Variants in BTBD7 observed in about 807,000 individuals in gnomAD.
BTBD7 encodes the protein BTB/POZ domain-containing protein 7.
Under a neutral mutation model 99.9 loss-of-function variants are expected in BTBD7, and 38 were observed. The ratio of observed to expected loss-of-function variants is 0.38; its 90% CI spans 0.29 to 0.50. The LOEUF (loss-of-function observed/expected upper bound fraction) is 0.50. Ranked by LOEUF, BTBD7 falls within the 20% of genes least tolerant of loss-of-function variation. BTBD7 has a pLI of 0.93. For synonymous variants in BTBD7, 520 were observed against 511.4 expected, an observed-to-expected ratio of 1.02 and a Z score of -0.23; for missense variants, 1,170 against 1,394.6, an observed-to-expected ratio of 0.84 and a Z score of 2.57.
At chr14:93,332,142 G>C (rs988984419) in intron 1 of BTBD7, among the ~76,000 whole-genome samples, 6 of 152,152 alleles carry the variant, frequency 3.9e-5, no homozygotes, top group African/African-American at 1.4e-4. Context: ...TCGGGGTAAA[G>C]CTAGCAAACA....
intron 1 of BTBD7, among the ~76,000 whole-genome samples, chr14:93,331,332 C>T (rs1447026912): frequency 6.6e-6 from 1 of 152,106 alleles, no homozygotes; most frequent in East Asian, 1.9e-4. Flanking sequence ...TGGTCTAATC[C>T]ATCGCCAGCT....
chr14:93,317,068 C>G (rs892008722), intron 1 of BTBD7, among the ~76,000 whole-genome samples: 18 of 152,094 alleles, frequency 1.2e-4, no homozygotes, highest in African/African-American at 4.1e-4. Flanking sequence ...TGCAGTGGTA[C>G]GATCTCAGCT....
chr14:93,300,743 TGTGTGTGTGTG>T (rs2052989210), intron 1 of BTBD7, among the ~76,000 whole-genome samples: 2 of 92,328 alleles, frequency 2.2e-5, no homozygotes, highest in Admixed American at 2.1e-4. Flanking sequence ...TGTGTGTGTG[TGTGTGTGTGTG>T]TGTGTGTGTG....
chr14:93,309,966 T>A, intron 1 of BTBD7, among the ~76,000 whole-genome samples: 1 of 58,478 alleles, frequency 1.7e-5, no homozygotes, highest in Non-Finnish European at 3.1e-5. Flanking sequence ...TTGGCAGGTG[T>A]TTTTTTTTCC....
chr14:93,248,718 C>T, intron 8 of BTBD7, 64 bp from the exon 9 acceptor site: 1 of 1,408,986 alleles, frequency 7.1e-7, no homozygotes, highest in Non-Finnish European at 9.4e-7. Flanking sequence ...ACCCCGTGAG[C>T]CCAAGGGAAA....
intron 3 of BTBD7, among the ~76,000 whole-genome samples, chr14:93,276,980 C>T (rs561472830): frequency 1.4e-5 from 2 of 142,908 alleles, no homozygotes; most frequent in African/African-American, 5.2e-5. Context: ...CAGCTCACTG[C>T]AACCTCTGCC....
chr14:93,277,294 A>T (rs966885943), intron 3 of BTBD7, among the ~76,000 whole-genome samples: 6 of 152,186 alleles, frequency 3.9e-5, no homozygotes, highest in Non-Finnish European at 7.3e-5. Context: ...CGGCATTTAA[A>T]ATGTTTACAT....
chr14:93,280,332 T>C (rs1566846984), intron 3 of BTBD7, among the ~76,000 whole-genome samples: 1 of 152,208 alleles, frequency 6.6e-6, no homozygotes, highest in Non-Finnish European at 1.5e-5. Flanking sequence ...TGTTCTTTAA[T>C]GTAAACAATG....
In BTBD7 at chr14:93,239,774, A is replaced by C. The variant is rs533221202; in HGVS notation, c.*2499T>G. 5.2e-5 allele frequency: 8 copies of C among 152,684 alleles called. No individual in the cohort carries two copies. In the East Asian group the frequency reaches 1.5e-3, roughly 29 times the overall value. The allele number at this position is 152,684 out of a possible 1,614,324, so 9.5% of individuals were successfully genotyped here. A position where few individuals can be genotyped will look rare whatever the true frequency, so the allele number is the denominator to read the frequency against. ...CTTTATAAACTAAATAATCTTAGGA[A>C]TAGTGGCCACTTACTTTTATATTTC... On this transcript the variant is annotated 3_prime_UTR_variant, in exon 11 of 11. Coordinates refer to ENST00000334746, the MANE Select transcript of BTBD7 (RefSeq NM_001002860.4).
rs761842667 is a variant in BTBD7 at position 93,251,532 on chromosome 14, T to C, written c.1873A>G (p.Met625Val). Residue 625 changes from methionine to valine, a missense_variant, in exon 8 of 11, where the codon ATG (methionine) becomes GTG (valine). Met to Val is a conservative substitution (Grantham distance 21). Transcript: ENST00000334746. ...VNNAVPQCCH[M>V]ISHQQISSNQ... ...CTGCTGATCTGCTGGTGGCTGATCA[T>C]GTGACAACACTGTGGCACGGCATTA... 5.0e-6 allele frequency: 8 copies of C among 1,613,976 alleles called. No individual in the cohort carries two copies. In the South Asian group the frequency reaches 6.6e-5, roughly 13 times the overall value.
intron 1 of BTBD7, among the ~76,000 whole-genome samples, chr14:93,318,213 T>C (rs1273900824): frequency 6.6e-6 from 1 of 152,220 alleles, no homozygotes; most frequent in African/African-American, 2.4e-5. Context: ...TATATTGTTT[T>C]GGGATAAATA....
chr14:93,287,572 C>T (rs1373223650), intron 3 of BTBD7: 1 of 152,062 alleles, frequency 6.6e-6, no homozygotes, highest in Non-Finnish European at 1.5e-5. Flanking sequence ...CCATTTGCTT[C>T]ATTTTCTAAG....
At chr14:93,244,510 G>A (rs1369268256) in intron 10 of BTBD7, among the ~76,000 whole-genome samples, 2 of 152,100 alleles carry the variant, frequency 1.3e-5, no homozygotes, top group Non-Finnish European at 2.9e-5. Context: ...TTAGCCGGGC[G>A]TGGTGGTGCG....
intron 1 of BTBD7, among the ~76,000 whole-genome samples, chr14:93,298,825 C>T (rs2052959934): frequency 6.6e-6 from 1 of 152,192 alleles, no homozygotes; most frequent in African/African-American, 2.4e-5. Flanking sequence ...AATGGCCCCA[C>T]TGGAGAAACA....
At chr14:93,327,871 T>G (rs1376583727) in intron 1 of BTBD7, among the ~76,000 whole-genome samples, 2 of 152,060 alleles carry the variant, frequency 1.3e-5, no homozygotes, top group Non-Finnish European at 2.9e-5. Context: ...TGTAGAAAAC[T>G]CCACAAAAAA....
chr14:93,327,763 G>A (rs1322150978), intron 1 of BTBD7, among the ~76,000 whole-genome samples: 3 of 150,984 alleles, frequency 2.0e-5, no homozygotes, highest in Admixed American at 1.3e-4. Context: ...ACACAGTACC[G>A]GAAGTCCTAG....
intron 3 of BTBD7, among the ~76,000 whole-genome samples, chr14:93,265,288 A>T (rs7140710): frequency 0.39 from 59,281 of 152,004 alleles, 12,752 homozygotes; most frequent in African/African-American, 0.58. Context: ...CAAAAAGTAA[A>T]CCCTCATTCC....
intron 1 of BTBD7, among the ~76,000 whole-genome samples, chr14:93,331,546 A>G (rs911908991): frequency 4.6e-5 from 7 of 152,248 alleles, no homozygotes; most frequent in Non-Finnish European, 8.8e-5. Flanking sequence ...AATTCATTTC[A>G]GCAATCTAAA....
chr14:93,301,910 G>A (rs1051267793), intron 1 of BTBD7, among the ~76,000 whole-genome samples: 1 of 152,214 alleles, frequency 6.6e-6, no homozygotes, highest in East Asian at 1.9e-4. Context: ...AAGGGAGACA[G>A]ACAGCAGAGC....
Sources: allele counts gnomAD v4.1 joint callset (sites outside exome capture counted in the v4.1 genomes callset), GRCh38; gene constraint gnomAD v4.1.1; transcripts MANE v1.5; gene names NCBI Gene and HGNC (gene_info 2026-07-23, HGNC 2026-07-21).